The following ACSM3 variants were observed in gnomAD, a reference collection of about 807,000 sequenced individuals.
The protein encoded by ACSM3 is acyl-coenzyme A synthetase ACSM3, mitochondrial.
Under a neutral mutation model 74.1 loss-of-function variants are expected in ACSM3, and 61 were observed. That is an observed-to-expected ratio of 0.82 (90% CI 0.67 to 1.02). The LOEUF (loss-of-function observed/expected upper bound fraction) is 1.02. Among genes scored for constraint, ACSM3 ranks in the 50% least tolerant of loss-of-function variants. ACSM3 has a pLI of 0.00. For missense variants in ACSM3, 660 were observed against 697.0 expected (o/e 0.95, Z 0.60); for synonymous variants, 213 against 241.5 (o/e 0.88, Z 1.09).
upstream of ACSM3, among the ~76,000 whole-genome samples, chr16:20,761,860 C>T (rs953932794): frequency 6.6e-6 from 1 of 152,130 alleles, no homozygotes; most frequent in African/African-American, 2.4e-5. Flanking sequence ...GAACACTTGA[C>T]TGGTAAGGGA....
intron 12 of ACSM3, chr16:20,792,784 A>G: frequency 1.2e-6 from 1 of 842,836 alleles, no homozygotes; most frequent in Non-Finnish European, 1.4e-6. Context: ...AACCATAAGC[A>G]GTCTTGGTAG....
At chr16:20,750,844 G>GT (rs59655300) in intron 2 of ACSM3, among the ~76,000 whole-genome samples, 1,824 of 115,340 alleles carry the variant, frequency 0.016, 56 homozygotes, top group African/African-American at 0.05. Context: ...TTGGAGTCAG[G>GT]TTTTTTTTTT....
At chr16:20,695,535 G>C (rs760271587) in intron 1 of ACSM3, among the ~76,000 whole-genome samples, 2 of 150,840 alleles carry the variant, frequency 1.3e-5, no homozygotes, top group Non-Finnish European at 2.9e-5. Context: ...TATATGTCCA[G>C]CTTTTTCACT....
intron 1 of ACSM3, among the ~76,000 whole-genome samples, chr16:20,714,855 G>A (rs2079755643): frequency 6.6e-6 from 1 of 152,188 alleles, no homozygotes; most frequent in African/African-American, 2.4e-5. Context: ...TATATACTTA[G>A]CTCTGAAAAC....
intron 1 of ACSM3, among the ~76,000 whole-genome samples, chr16:20,675,303 G>A (rs756951495): frequency 6.6e-6 from 1 of 152,182 alleles, no homozygotes; most frequent in Non-Finnish European, 1.5e-5. Flanking sequence ...AGAGGCCAAT[G>A]CGGGGAGTAA....
chr16:20,741,481 G>GGGGGGGGGCCC, intron 1 of ACSM3: 2 of 1,308,410 alleles, frequency 1.5e-6, no homozygotes, highest in Non-Finnish European at 2.0e-6. Context: ...CTGGCAGCCG[G>GGGGGGGGGCCC]CCCGCCCGCC....
chr16:20,781,338 T>C lies in ACSM3; in HGVS notation c.939+208T>C, dbSNP rs150197725. 1.8e-4 allele frequency among the ~76,000 whole-genome samples: 28 copies of C among 152,144 alleles called. No individual in the cohort carries two copies. In the East Asian group the frequency reaches 4.8e-3, roughly 26 times the overall value. ...AGCCTCTGATTCTGCCAGGCACATA[T>C]TGAAAATATTTGGGGAGAAAAACCA... is the stretch of plus-strand genomic sequence containing the variant. On this transcript the variant is annotated intron_variant, in intron 6 of 13. Coordinates refer to ENST00000289416, the MANE Select transcript of ACSM3 (RefSeq NM_005622.4).
chr16:20,736,539 A>T, intron 1 of ACSM3: 1 of 221,676 alleles, frequency 4.5e-6, no homozygotes, highest in Non-Finnish European at 8.9e-6. Flanking sequence ...CTCCTTCCTT[A>T]GAATGAAAAC....
intron 1 of ACSM3, chr16:20,691,279 A>C: frequency 9.0e-7 from 1 of 1,106,690 alleles, no homozygotes; most frequent in Non-Finnish European, 1.3e-6. Context: ...GTGTATCCAA[A>C]ACTTTCTCCC....
In ACSM3 at chr16:20,685,517, A is replaced by T; in HGVS notation, c.-190+10695A>T. 6 of 997,752 alleles carry T rather than the reference A, an allele frequency of 6.0e-6. 1 individual carries two copies. The South Asian group carries it at 8.3e-5, about 14-fold the overall frequency. 61.8% of individuals were successfully genotyped at this position (997,752 alleles called of 1,614,324 possible). ...ATGTGAACACAGCTTAAGGACTGAG[A>T]TCCCATTTTAAAACATTTATACAGC... On this transcript the variant is annotated intron_variant, in intron 1 of 3. Transcript: ENST00000561584.
chr16:20,677,394 G>A (rs577818458), intron 1 of ACSM3, among the ~76,000 whole-genome samples: 105 of 152,314 alleles, frequency 6.9e-4, no homozygotes, highest in African/African-American at 2.5e-3. Flanking sequence ...CAGGCAATTA[G>A]ATTCTGTGGC....
chr16:20,723,164 C>T (rs1197698947), intron 1 of ACSM3, among the ~76,000 whole-genome samples: 2 of 152,030 alleles, frequency 1.3e-5, no homozygotes, highest in Non-Finnish European at 2.9e-5. Flanking sequence ...ATAGTTTGCT[C>T]AGAATGATGG....
intron 1 of ACSM3, among the ~76,000 whole-genome samples, chr16:20,705,142 G>A (rs2079723218): frequency 6.6e-6 from 1 of 152,182 alleles, no homozygotes; most frequent in African/African-American, 2.4e-5. Flanking sequence ...GGAGGCCGAG[G>A]CGGGCAGATC....
At chr16:20,776,199 C>A (rs1471951461) in intron 3 of ACSM3, 150 bp downstream of exon 3, 2 of 808,468 alleles carry the variant, frequency 2.5e-6, no homozygotes, top group Admixed American at 5.5e-5. Context: ...CCGTGGTAGG[C>A]TAATTCCTTA....
In ACSM3 at chr16:20,790,973, A is replaced by C. The variant is rs1298657756; in HGVS notation, c.1326+285A>C. The C allele has an allele frequency of 6.3e-7, 1 of 1,589,384 alleles. No homozygotes were observed. The highest frequency in any genetic ancestry group is 1.9e-5 in the Admixed American group (1 of 53,980). On this transcript the variant is annotated intron_variant, in intron 10 of 13. Transcript: ENST00000289416. The surrounding 1 kb of genome is among the most constrained non-coding windows in gnomAD (Gnocchi z 4.0). ...CCTCTTAACATCCCCTGATCCTCTC[A>C]ATTATCAAACAAAACCCACTCATTT...
intron 1 of ACSM3, among the ~76,000 whole-genome samples, chr16:20,678,923 C>G (rs999512945): frequency 6.6e-6 from 1 of 152,102 alleles, no homozygotes; most frequent in African/African-American, 2.4e-5. Context: ...CCGGCCACCC[C>G]CCATCATCTG....
intron 10 of ACSM3, among the ~76,000 whole-genome samples, chr16:20,791,175 T>C (rs939534066): frequency 1.2e-4 from 18 of 152,226 alleles, no homozygotes; most frequent in Non-Finnish European, 2.2e-4. Context: ...CTCTATCATA[T>C]AATAAAAGAT....
chr16:20,772,570 C>T (rs1457570135), intron 2 of ACSM3, among the ~76,000 whole-genome samples: 1 of 152,078 alleles, frequency 6.6e-6, no homozygotes, highest in Non-Finnish European at 1.5e-5. Context: ...TCTTAGTCTA[C>T]CACATATGAT....
intron 1 of ACSM3, among the ~76,000 whole-genome samples, chr16:20,715,936 G>T (rs964361853): frequency 2.6e-5 from 4 of 152,172 alleles, no homozygotes; most frequent in Non-Finnish European, 5.9e-5. Flanking sequence ...ATCCAAGGCA[G>T]GTTCACCCTC....
Sources: gnomAD v4.1 joint callset for allele counts (sites outside exome capture counted in the v4.1 genomes callset) on GRCh38, gnomAD v4.1.1 for gene constraint, Gnocchi (gnomAD v3.1) non-coding constraint, MANE v1.5 for transcripts, NCBI Gene and HGNC (gene_info 2026-07-23, HGNC 2026-07-21) for gene names.